The following BPIFA2 variants were observed in gnomAD, a reference collection of about 807,000 sequenced individuals.
BPIFA2 encodes BPI fold containing family A member 2, also known as BPI fold-containing family A member 2.
In BPIFA2, 20 loss-of-function variants were observed where a neutral mutation model predicts 25.7. That is an observed-to-expected ratio of 0.78 (90% CI 0.55 to 1.13). The LOEUF is 1.13. BPIFA2 is among the 50% of genes most tolerant of loss of function. The pLI is 0.00. For synonymous variants in BPIFA2, 126 were observed against 124.3 expected (o/e 1.01, Z -0.09); for missense variants, 300 against 298.1 (o/e 1.01, Z -0.05).
chr20:33,178,206 T>C lies in BPIFA2; in HGVS notation c.623T>C (p.Val208Ala). 6.2e-7 allele frequency: 1 copy of C among 1,601,764 alleles called. No individual in the cohort carries two copies. The highest frequency in any genetic ancestry group is 8.5e-7 in the Non-Finnish European group (1 of 1,170,740). The change falls in exon 6 of 9, where the codon GTA becomes GCA. Residue 208 changes from valine (V) to alanine (A), a missense_variant. By Grantham distance (64) the Val-to-Ala change is moderately conservative. Coordinates refer to ENST00000354932, the MANE Select transcript of BPIFA2 (RefSeq NM_080574.4). ...GTGATCAACACGCTGAAAAGCACTG[T>C]ATCCTCCCTGCTGCAGAAGGAGGTG... is the stretch of plus-strand genomic sequence containing the variant. ...NSVINTLKSTVSSLLQKEICP... is the reference protein window; with the variant it reads ...NSVINTLKSTASSLLQKEICP...
At chr20:33,171,674 A>C (rs6057741) in intron 2 of BPIFA2, among the ~76,000 whole-genome samples, 8 of 152,388 alleles carry the variant, frequency 5.2e-5, no homozygotes, top group African/African-American at 1.9e-4. Flanking sequence ...AATGCAAATC[A>C]AAACCACAAT....
In BPIFA2 at chr20:33,174,078, G is replaced by A. The variant is rs2146454229; in HGVS notation, c.303-1G>A. Reference sequence around the variant, plus strand: ...AAGGGTGAATTGTGGGTTTCACACAGGTTGAAAATCAGCAACTCCCTCATC... The same window carrying A: ...AAGGGTGAATTGTGGGTTTCACACAAGTTGAAAATCAGCAACTCCCTCATC... On this transcript the variant is annotated splice_acceptor_variant, in intron 3 of 8. Transcript: ENST00000354932. LOFTEE classifies it high-confidence loss of function. 1 of 1,613,702 alleles carries A rather than the reference G, an allele frequency of 6.2e-7. No individual in the cohort carries two copies. The highest frequency in any genetic ancestry group is 1.1e-5 in the South Asian group (1 of 91,056).
chr20:33,169,078 A>G, intron 1 of BPIFA2, 53 bp from the exon 2 acceptor site: 3 of 1,424,942 alleles, frequency 2.1e-6, no homozygotes, highest in Non-Finnish European at 3.0e-6. Flanking sequence ...CTCACTGAAG[A>G]GTCCATTTCC....
At chr20:33,180,024 C>T (rs1477703068) in intron 7 of BPIFA2, among the ~76,000 whole-genome samples, 1 of 152,044 alleles carries the variant, frequency 6.6e-6, no homozygotes, top group African/African-American at 2.4e-5. Context: ...TTGAGACCAG[C>T]CTGGGTGACA....
intron 6 of BPIFA2, among the ~76,000 whole-genome samples, chr20:33,178,626 AT>A (rs1002193918): frequency 6.6e-5 from 10 of 152,216 alleles, no homozygotes; most frequent in African/African-American, 1.9e-4. Flanking sequence ...AATAGTTTTA[AT>A]TTTTTTTCCA....
intron 1 of BPIFA2, 80 bp from the exon 2 acceptor site, chr20:33,169,051 G>A: frequency 8.0e-7 from 1 of 1,243,594 alleles, no homozygotes; most frequent in South Asian, 1.4e-5. Context: ...AATGCTAAAT[G>A]TTAAGAGTGA....
chr20:33,177,095 C>A (rs954353394), intron 5 of BPIFA2, among the ~76,000 whole-genome samples: 28 of 152,164 alleles, frequency 1.8e-4, no homozygotes, highest in Non-Finnish European at 7.3e-5. Flanking sequence ...GGCTCCACAC[C>A]GGTAATCCCA....
At chr20:33,179,917 A>G (rs974730461) in intron 7 of BPIFA2, among the ~76,000 whole-genome samples, 1 of 152,130 alleles carries the variant, frequency 6.6e-6, no homozygotes, top group Admixed American at 6.5e-5. Context: ...TGACCCTTCT[A>G]TGAAAATAGC....
chr20:33,169,429 AT>A, intron 2 of BPIFA2, 127 bp downstream of exon 2: 1 of 830,528 alleles, frequency 1.2e-6, no homozygotes. Context: ...TGGCTATTCA[AT>A]TCCTGACTCA....
chr20:33,171,795 G>A (rs896012969), intron 2 of BPIFA2, among the ~76,000 whole-genome samples: 1 of 152,170 alleles, frequency 6.6e-6, no homozygotes, highest in Non-Finnish European at 1.5e-5. Context: ...TGGTGGGACT[G>A]TAAATTAGTT....
chr20:33,166,410 C>A (rs1054587975), upstream of BPIFA2, among the ~76,000 whole-genome samples: 1 of 152,186 alleles, frequency 6.6e-6, no homozygotes, highest in African/African-American at 2.4e-5. Context: ...GGACCATATG[C>A]GCACATATTC....
chr20:33,177,229 C>G (rs796290207), intron 5 of BPIFA2, among the ~76,000 whole-genome samples: 13 of 152,142 alleles, frequency 8.5e-5, no homozygotes, highest in African/African-American at 3.1e-4. Context: ...GTGGCGGTTT[C>G]CTGTAATCCC....
chr20:33,180,073 C>A (rs779960949), intron 7 of BPIFA2, among the ~76,000 whole-genome samples: 3 of 152,044 alleles, frequency 2.0e-5, no homozygotes, highest in African/African-American at 4.8e-5. Context: ...ACAAAATTAG[C>A]CAGGCGTGGT....
At chr20:33,165,662 G>A (rs1217256581), upstream of BPIFA2, among the ~76,000 whole-genome samples, 1 of 152,226 alleles carries the variant, frequency 6.6e-6, no homozygotes, top group Non-Finnish European at 1.5e-5. Flanking sequence ...CCCAGCTGGG[G>A]ATTAGCAGTC....
At chr20:33,176,332 G>A (rs1721241235) in intron 5 of BPIFA2, among the ~76,000 whole-genome samples, 1 of 152,252 alleles carries the variant, frequency 6.6e-6, no homozygotes, top group African/African-American at 2.4e-5. Context: ...AAAGAGTGAT[G>A]CTGGCCGATG....
intron 3 of BPIFA2, among the ~76,000 whole-genome samples, chr20:33,173,584 C>T (rs1600600114): frequency 6.6e-6 from 1 of 152,176 alleles, no homozygotes; most frequent in East Asian, 1.9e-4. Context: ...TGGCTCACTA[C>T]AGCCTCGCCT....
chr20:33,166,107 C>A (rs551728023), upstream of BPIFA2, among the ~76,000 whole-genome samples: 82 of 152,242 alleles, frequency 5.4e-4, no homozygotes, highest in African/African-American at 1.9e-3. Context: ...ACATCCACCC[C>A]CTGGGTTCAA....
chr20:33,175,367 A>G (rs752181887), intron 4 of BPIFA2, 40 bp from the exon 5 acceptor site: 2 of 1,587,252 alleles, frequency 1.3e-6, no homozygotes, highest in African/African-American at 2.7e-5. Flanking sequence ...ACAGGCAGGA[A>G]CTTCTAGACT....
chr20:33,175,890 TG>T (rs1984060960), intron 5 of BPIFA2, among the ~76,000 whole-genome samples: 1 of 152,182 alleles, frequency 6.6e-6, no homozygotes, highest in African/African-American at 2.4e-5. Context: ...TTACTGAGAC[TG>T]GAGTGTTGAG....
Sources: gnomAD v4.1 joint callset for allele counts (sites outside exome capture counted in the v4.1 genomes callset) on GRCh38, gnomAD v4.1.1 for gene constraint, MANE v1.5 for transcripts, NCBI Gene and HGNC (gene_info 2026-07-23, HGNC 2026-07-21) for gene names.